Variants in MRPS25 observed in about 807,000 individuals in gnomAD.
The protein encoded by MRPS25 is small ribosomal subunit protein mS25.
A neutral mutation model predicts 17.3 loss-of-function variants in MRPS25; 15 were observed. The ratio of observed to expected loss-of-function variants is 0.87; its 90% CI spans 0.58 to 1.34. The LOEUF is 1.34. MRPS25 is among the 40% of genes most tolerant of loss of function. The pLI is 0.00. For synonymous variants in MRPS25, 94 were observed against 83.3 expected (o/e 1.13, Z -0.70); for missense variants, 225 against 218.6 (o/e 1.03, Z -0.19).
At chr3:15,043,803 C>T (rs2042355658), downstream of MRPS25, 1 of 152,224 alleles carries the variant, frequency 6.6e-6, no homozygotes, top group African/African-American at 2.4e-5. Flanking sequence ...CTGGGGTTCT[C>T]CTTTGATGAC....
downstream of MRPS25, chr3:15,045,115 T>G (rs1280763757): frequency 1.3e-5 from 2 of 152,220 alleles, no homozygotes; most frequent in Non-Finnish European, 2.9e-5. Flanking sequence ...CAGGTTTGTT[T>G]CATTTCTGCT....
chr3:15,043,093 G>A, downstream of MRPS25: 1 of 1,320,528 alleles, frequency 7.6e-7, no homozygotes, highest in Non-Finnish European at 1.0e-6. Context: ...TTTGGTATGT[G>A]CAAATATTTC....
At chr3:15,054,481 GCA>G (rs376154178) in intron 2 of MRPS25, among the ~76,000 whole-genome samples, 14 of 152,310 alleles carry the variant, frequency 9.2e-5, no homozygotes, top group African/African-American at 2.4e-4. Flanking sequence ...GGCAGAGGTT[GCA>G]GTGAGCTGAG....
At chr3:15,062,746 A>G (rs906273778) in intron 1 of MRPS25, among the ~76,000 whole-genome samples, 127 of 152,252 alleles carry the variant, frequency 8.3e-4, no homozygotes, top group African/African-American at 2.7e-3. Context: ...CTGCCTTGGG[A>G]TCCTGTTGAT....
chr3:15,056,101 G>A lies in MRPS25; in HGVS notation c.242-2634C>T, dbSNP rs1470706384. On this transcript the variant is annotated intron_variant, in intron 2 of 3. Coordinates refer to ENST00000253686, the MANE Select transcript of MRPS25 (RefSeq NM_022497.5). ...GGTGTGGCGGGTGCCTGTAGTCCCAGCTACTCGGGAGGCTGAGGCAGGAGA... is the reference window on the plus strand; with the variant it reads ...GGTGTGGCGGGTGCCTGTAGTCCCAACTACTCGGGAGGCTGAGGCAGGAGA... Among the ~76,000 whole-genome samples, 3 of 151,556 alleles carry A rather than the reference G, an allele frequency of 2.0e-5. No individual in the cohort carries two copies. The East Asian group carries it at 5.8e-4, about 29-fold the overall frequency.
Position 15,049,920 on chromosome 3 carries a change from T to A in MRPS25, c.*2521A>T, listed in dbSNP as rs984896948. The A allele has an allele frequency of 6.5e-7, 1 of 1,532,566 alleles. No homozygotes were observed. Among genetic ancestry groups the A allele is most frequent in the Non-Finnish European group, 8.7e-7 (1 of 1,145,752 alleles). The allele number at this position is 1,532,566 out of a possible 1,614,324, so 94.9% of individuals were successfully genotyped here. A position where few individuals can be genotyped will look rare whatever the true frequency, so the allele number is the denominator to read the frequency against. ...CAGCAGATGATACAGGTTTAGATGG[T>A]GCTGCCAGGTAGTGCCTCAAAGAGA... On this transcript the variant is annotated 3_prime_UTR_variant, in exon 4 of 4. Coordinates refer to ENST00000253686, the MANE Select transcript of MRPS25 (RefSeq NM_022497.5).
At chr3:15,047,698 A>G (rs1003295182), downstream of MRPS25, 8 of 152,234 alleles carry the variant, frequency 5.3e-5, no homozygotes, top group African/African-American at 1.9e-4. Context: ...TTCTATCGCC[A>G]GTTAAAAATA....
At chr3:15,048,328 A>G (rs1037755932), downstream of MRPS25, 14 of 152,768 alleles carry the variant, frequency 9.2e-5, no homozygotes, top group African/African-American at 1.4e-4. Context: ...TTAAAATGCA[A>G]TTGGAAACTT....
At chr3:15,053,262 G>T in intron 3 of MRPS25, 118 bp downstream of exon 3, 1 of 1,533,896 alleles carries the variant, frequency 6.5e-7, no homozygotes. Flanking sequence ...TCTTATTAGT[G>T]TCTGGCGTTC....
At position 15,050,740 on chromosome 3, in the gene MRPS25, C is replaced by CCAT; in HGVS notation, c.*1698_*1700dup. The CCAT allele has an allele frequency of 2.0e-6, 2 of 985,376 alleles. No homozygotes were observed. The highest frequency in any genetic ancestry group is 2.4e-6 in the Non-Finnish European group (2 of 829,902). 61.0% of individuals were successfully genotyped at this position (985,376 alleles called of 1,614,324 possible). ...AGTCTGTCACTCAAGGAACACCTGT[C>CCAT]CATTATACATCAGTCTCTGCCCACC... On this transcript the variant is annotated 3_prime_UTR_variant, in exon 4 of 4. Transcript: ENST00000253686.
Position 15,052,226 on chromosome 3 carries a change from T to C in MRPS25, c.*215A>G. The C allele has an allele frequency of 7.7e-7, 1 of 1,291,146 alleles. No individual in the cohort carries two copies. The highest frequency in any genetic ancestry group is 9.8e-7 in the Non-Finnish European group (1 of 1,020,904). The allele number at this position is 1,291,146 out of a possible 1,614,324, so 80.0% of individuals were successfully genotyped here. A position where few individuals can be genotyped will look rare whatever the true frequency, so the allele number is the denominator to read the frequency against. On this transcript the variant is annotated 3_prime_UTR_variant, in exon 4 of 4. Transcript: ENST00000253686. ...GCCAAGCTGCTATTAGGAAGCGTTT[T>C]ATTGACCAGCAGAGCAGGGATATTC...
At position 15,050,061 on chromosome 3, in the gene MRPS25, T is replaced by C; in HGVS notation, c.*2380A>G. ...TCTCTAATTAATTTTCTCCCATTTCTGTATATTTTAAACCCATCTTTCATC... is the reference window on the plus strand; with the variant it reads ...TCTCTAATTAATTTTCTCCCATTTCCGTATATTTTAAACCCATCTTTCATC... On this transcript the variant is annotated 3_prime_UTR_variant, in exon 4 of 4. Transcript: ENST00000253686. The C allele has an allele frequency of 6.9e-7, 1 of 1,445,520 alleles. No homozygotes were observed. The highest frequency in any genetic ancestry group is 1.5e-5 in the African/African-American group (1 of 67,454). The allele number at this position is 1,445,520 out of a possible 1,614,324, so 89.5% of individuals were successfully genotyped here.
At chr3:15,054,252 C>T (rs934941194) in intron 2 of MRPS25, among the ~76,000 whole-genome samples, 3 of 151,662 alleles carry the variant, frequency 2.0e-5, no homozygotes, top group Non-Finnish European at 4.4e-5. Flanking sequence ...TGGAACAAAA[C>T]TGAGTCCAGA....
At chr3:15,043,138 ATC>A, downstream of MRPS25, 1 of 787,272 alleles carries the variant, frequency 1.3e-6, no homozygotes, top group Non-Finnish European at 1.9e-6. Context: ...GTTTCTCCTT[ATC>A]TGTTAATCCC....
At position 15,048,635 on chromosome 3, in the gene MRPS25, T is replaced by A. The variant is rs371257586; in HGVS notation, c.*3806A>T. 6 of 152,658 alleles carry A rather than the reference T, an allele frequency of 3.9e-5. No homozygotes were observed. Among genetic ancestry groups the A allele is most frequent in the Admixed American group, 3.9e-4 (6 of 15,288 alleles). The allele number at this position is 152,658 out of a possible 1,614,324, so 9.5% of individuals were successfully genotyped here. Reference sequence around the variant, plus strand: ...TTTTCTTTAGGAAAGTATAATCAATTATTTTAATGACCATAGCATTCATGG... The same window carrying A: ...TTTTCTTTAGGAAAGTATAATCAATAATTTTAATGACCATAGCATTCATGG... On this transcript the variant is annotated 3_prime_UTR_variant, in exon 4 of 4. Coordinates refer to ENST00000253686, the MANE Select transcript of MRPS25 (RefSeq NM_022497.5).
chr3:15,052,193 A>T lies in MRPS25; in HGVS notation c.*248T>A. The T allele has an allele frequency of 8.1e-7, 1 of 1,235,882 alleles. No individual in the cohort carries two copies. The highest frequency in any genetic ancestry group is 1.0e-6 in the Non-Finnish European group (1 of 987,060). 76.6% of individuals were successfully genotyped at this position (1,235,882 alleles called of 1,614,324 possible). On this transcript the variant is annotated 3_prime_UTR_variant, in exon 4 of 4. Transcript: ENST00000253686. ...ACAGGCCTTCCTCTTCACTAGGACC[A>T]GATACACGCCAAGCTGCTATTAGGA...
At chr3:15,053,632 TC>T (rs2042636308) in intron 2 of MRPS25, 165 bp from the exon 3 acceptor site, 4 of 783,364 alleles carry the variant, frequency 5.1e-6, no homozygotes, top group South Asian at 4.5e-5. Context: ...TTTCCATTTT[TC>T]TTTAGACCTG....
chr3:15,056,170 A>C (rs1307620076), intron 2 of MRPS25, among the ~76,000 whole-genome samples: 1 of 151,598 alleles, frequency 6.6e-6, no homozygotes, highest in Non-Finnish European at 1.5e-5. Flanking sequence ...AGCCGAGATC[A>C]CGCCACTGCA....
In MRPS25 at chr3:15,051,688, TC is replaced by T; in HGVS notation, c.*752del. 1 of 985,638 alleles carries T rather than the reference TC, an allele frequency of 1.0e-6. No homozygotes were observed. The highest frequency in any genetic ancestry group is 1.2e-6 in the Non-Finnish European group (1 of 830,204). 61.1% of individuals were successfully genotyped at this position (985,638 alleles called of 1,614,324 possible). On this transcript the variant is annotated 3_prime_UTR_variant, in exon 4 of 4. Coordinates refer to ENST00000253686, the MANE Select transcript of MRPS25 (RefSeq NM_022497.5). ...CCAGCAGAGCCAGCTATAGACACCA[TC>T]CCCCCAGCAGGGCCCCAATGTCTCC... is the stretch of plus-strand genomic sequence containing the variant.
Sources: gnomAD v4.1 joint callset for allele counts (sites outside exome capture counted in the v4.1 genomes callset) on GRCh38, gnomAD v4.1.1 for gene constraint, MANE v1.5 for transcripts, NCBI Gene and HGNC (gene_info 2026-07-23, HGNC 2026-07-21) for gene names.